The following ACAD11 variants were observed in gnomAD, a reference collection of about 807,000 sequenced individuals.
ACAD11 encodes the protein acyl-Coenzyme A dehydrogenase family, member 11.
ACAD11 carries 83 observed loss-of-function variants against 102.2 expected under a neutral mutation model. The observed-to-expected ratio is 0.81, with a 90% CI of 0.68 to 0.97. ACAD11 has a LOEUF of 0.97. ACAD11 is among the 50% of genes least tolerant of loss of function. The pLI, the probability that ACAD11 is intolerant of heterozygous loss-of-function variation, is 0.00. For synonymous variants in ACAD11, 324 were observed against 319.8 expected (o/e 1.01, Z -0.14); for missense variants, 901 against 951.7 (o/e 0.95, Z 0.70).
intron 13 of ACAD11, among the ~76,000 whole-genome samples, chr3:132,585,719 A>T (rs1937786537): frequency 6.6e-6 from 1 of 152,280 alleles, no homozygotes; most frequent in African/African-American, 2.4e-5. Flanking sequence ...ACATTTATGC[A>T]GCCAAAAGAC....
At chr3:132,639,774 C>T (rs906932744) in intron 4 of ACAD11, 118 bp from the exon 5 acceptor site, 3 of 866,890 alleles carry the variant, frequency 3.5e-6, no homozygotes, top group African/African-American at 1.7e-5. Context: ...AAGACCCATG[C>T]TGGTGATACT....
At chr3:132,584,168 C>A (rs1335968880) in intron 13 of ACAD11, among the ~76,000 whole-genome samples, 2 of 152,142 alleles carry the variant, frequency 1.3e-5, no homozygotes, top group Non-Finnish European at 2.9e-5. Context: ...GTGTTAAAGT[C>A]TCCCATTATT....
chr3:132,652,432 T>G (rs1001907516), intron 1 of ACAD11, among the ~76,000 whole-genome samples: 12 of 152,198 alleles, frequency 7.9e-5, no homozygotes, highest in Non-Finnish European at 7.4e-5. Flanking sequence ...TAATAAATCT[T>G]TCCTTAACTA....
intron 9 of ACAD11, among the ~76,000 whole-genome samples, chr3:132,623,694 T>C (rs1350933959): frequency 3.3e-5 from 5 of 152,232 alleles, no homozygotes; most frequent in Non-Finnish European, 7.3e-5. Flanking sequence ...CTTCTTTTTA[T>C]TGCAAATTTT....
intron 11 of ACAD11, among the ~76,000 whole-genome samples, chr3:132,610,777 T>C (rs894209228): frequency 6.6e-6 from 1 of 152,126 alleles, no homozygotes; most frequent in African/African-American, 2.4e-5. Context: ...GATTCACAGC[T>C]GAATTCTACC....
intron 10 of ACAD11, 143 bp from the exon 11 acceptor site, chr3:132,618,915 G>A: frequency 1.4e-6 from 1 of 722,412 alleles, no homozygotes. Context: ...ATTCTCCAGT[G>A]AGCAAAACCA....
rs370869479 is a variant in ACAD11 at position 132,634,627 on chromosome 3, C to T, written c.703-3148G>A. Among the ~76,000 whole-genome samples the T allele has an allele frequency of 3.9e-5, 6 of 152,108 alleles. No individual in the cohort carries two copies. The East Asian group carries it at 1.2e-3, about 29-fold the overall frequency. On this transcript the variant is annotated intron_variant, in intron 5 of 19. Transcript: ENST00000264990. ...CACACGTATGTTTATTGCGGCACTA[C>T]TCACAATAGCAAAGACTCGGAACCA...
intron 14 of ACAD11, chr3:132,579,122 A>G (rs1937563443): frequency 1.5e-6 from 2 of 1,341,010 alleles, no homozygotes; most frequent in Admixed American, 4.5e-5. Flanking sequence ...CTGCTCAACA[A>G]TGGTAACTGG....
intron 11 of ACAD11, among the ~76,000 whole-genome samples, chr3:132,617,084 A>G (rs1281483211): frequency 6.6e-6 from 1 of 152,104 alleles, no homozygotes; most frequent in Non-Finnish European, 1.5e-5. Flanking sequence ...GCCATGCATA[A>G]ACACAAAAGG....
At chr3:132,563,609 G>T (rs1157360200) in intron 17 of ACAD11, among the ~76,000 whole-genome samples, 2 of 152,032 alleles carry the variant, frequency 1.3e-5, no homozygotes, top group Admixed American at 1.3e-4. Flanking sequence ...AAATTGTTAC[G>T]TACTGACCTT....
intron 14 of ACAD11, 196 bp from the exon 15 acceptor site, chr3:132,579,077 T>C: frequency 6.7e-7 from 1 of 1,484,626 alleles, no homozygotes; most frequent in Middle Eastern, 1.7e-4. Context: ...AACAATGATT[T>C]GAAAATAAAT....
chr3:132,583,779 C>T (rs943611632), intron 13 of ACAD11, among the ~76,000 whole-genome samples: 3 of 152,118 alleles, frequency 2.0e-5, no homozygotes, highest in African/African-American at 2.4e-5. Context: ...CAAAGAACAT[C>T]TTTATTTCTG....
At position 132,630,546 on chromosome 3, in the gene ACAD11, A is replaced by C. The variant is rs1463849541; in HGVS notation, c.854T>G (p.Met285Arg). The C allele has an allele frequency of 6.2e-7, 1 of 1,609,586 alleles. No individual in the cohort carries two copies. The highest frequency in any genetic ancestry group is 1.3e-5 in the African/African-American group (1 of 74,742). ...GCAATATATTGAAATCAGTTCTTCCATTGATGGTATCCCTATAAAAACAGC... is the reference window on the plus strand; with the variant it reads ...GCAATATATTGAAATCAGTTCTTCCCTTGATGGTATCCCTATAAAAACAGC... ...SYSENSGIPS[M>R]EELISIYCRC... Residue 285 changes from methionine (M) to arginine (R), a missense_variant, in exon 7 of 20, where the codon ATG becomes AGG. Met to Arg is a moderately conservative substitution (Grantham distance 91). Transcript: ENST00000264990.
chr3:132,580,932 C>G (rs1015054954), intron 13 of ACAD11, among the ~76,000 whole-genome samples: 1 of 151,784 alleles, frequency 6.6e-6, no homozygotes, highest in Non-Finnish European at 1.5e-5. Flanking sequence ...AGTCTAACAT[C>G]AGAGTAAAAG....
intron 1 of ACAD11, among the ~76,000 whole-genome samples, chr3:132,657,866 C>CTTTTTTT (rs56190801): frequency 3.4e-5 from 4 of 119,166 alleles, no homozygotes; most frequent in African/African-American, 6.2e-5. Flanking sequence ...ACACATATTC[C>CTTTTTTT]TTTTTTTTTT....
At position 132,644,881 on chromosome 3, in the gene ACAD11, A is replaced by C. The variant is rs1198353199; in HGVS notation, c.165T>G (p.Asn55Lys). 5.0e-6 allele frequency: 8 copies of C among 1,606,106 alleles called. No homozygotes were observed. The highest frequency in any genetic ancestry group is 3.4e-5 in the Admixed American group (2 of 59,172). ...AGCCCTTCTGGAGATAAAAGGTTGG[A>C]TTGGACTTTCCTGCTCTAGATAAAA... ...TIAQYRAGKS[N>K]PTFYLQKGFQ... Residue 55 changes from asparagine to lysine, a missense_variant, in exon 2 of 20, where the codon AAT becomes AAG. Transcript: ENST00000264990.
chr3:132,607,658 C>T (rs1402167949), intron 11 of ACAD11, among the ~76,000 whole-genome samples: 2 of 152,088 alleles, frequency 1.3e-5, no homozygotes, highest in South Asian at 2.1e-4. Flanking sequence ...ACTGGTGTAC[C>T]TGAAAATGAT....
chr3:132,591,136 G>A (rs150603562), intron 13 of ACAD11, among the ~76,000 whole-genome samples: 14 of 152,056 alleles, frequency 9.2e-5, no homozygotes, highest in African/African-American at 3.1e-4. Context: ...TTATAGTTTT[G>A]GGTTTTACAT....
rs1347523848 is a variant in ACAD11, at chr3:132,630,501, G to T, written c.899C>A (p.Ser300Tyr). ...SIYCRCRGIN[S>Y]ILPNWNFFLA... ...AAAGAAATTCCAGTTAGGAAGAATA[G>T]AATTAATTCCCCTGCAGCGGCAATA... Residue 300 changes from serine (S) to tyrosine (Y), a missense_variant, in exon 7 of 20, where the codon TCT becomes TAT. Physicochemically the swap from Ser to Tyr is moderately radical, Grantham distance 144. Coordinates refer to ENST00000264990, the MANE Select transcript of ACAD11 (RefSeq NM_032169.5). The T allele has an allele frequency of 8.1e-6, 13 of 1,612,656 alleles. No individual in the cohort carries two copies. Among genetic ancestry groups the T allele is most frequent in the African/African-American group, 1.3e-5 (1 of 74,888 alleles).
Sources: gnomAD v4.1 joint callset for allele counts (sites outside exome capture counted in the v4.1 genomes callset) on GRCh38, gnomAD v4.1.1 for gene constraint, MANE v1.5 for transcripts, NCBI Gene and HGNC (gene_info 2026-07-23, HGNC 2026-07-21) for gene names.